OPCML: variants seen among roughly 807,000 people sequenced by gnomAD.
OPCML encodes opioid binding protein/cell adhesion molecule like, also known as opioid-binding protein/cell adhesion molecule.
A neutral mutation model predicts 37.8 loss-of-function variants in OPCML; 13 were observed. The observed-to-expected ratio is 0.34, with a 90% CI of 0.22 to 0.55. The LOEUF is 0.55. Ranked by LOEUF, OPCML falls within the 20% of genes least tolerant of loss-of-function variation. OPCML has a pLI of 0.91. For missense variants in OPCML, 341 were observed against 435.6 expected (o/e 0.78, Z 1.93); for synonymous variants, 176 against 168.8 (o/e 1.04, Z -0.33).
At chr11:132,486,548 T>A (rs2096200404) in intron 4 of OPCML, among the ~76,000 whole-genome samples, 1 of 152,118 alleles carries the variant, frequency 6.6e-6, no homozygotes, top group African/African-American at 2.4e-5. Flanking sequence ...ATTGACCCAT[T>A]CAAACCCCAC....
chr11:132,591,662 C>T (rs558345636), intron 3 of OPCML, among the ~76,000 whole-genome samples: 21 of 152,276 alleles, frequency 1.4e-4, no homozygotes, highest in African/African-American at 4.8e-4. Flanking sequence ...AAAATGGTAA[C>T]AGTGAGGATT....
Position 133,326,436 on chromosome 11 carries a change from CGTGTATGTGT to C in OPCML, c.61+205818_61+205827del, listed in dbSNP as rs1463037235. ...GTGTGGATATGCATGTGTGTGGGTG[CGTGTATGTGT>C]GTGTATGTGTGTGTGGGGTGTGTGT... On this transcript the variant is annotated intron_variant, in intron 1 of 7. Coordinates refer to ENST00000524381, the MANE Select transcript of OPCML (RefSeq NM_001012393.5). Among the ~76,000 whole-genome samples the C allele has an allele frequency of 1.6e-4, 15 of 92,110 alleles. No individual in the cohort carries two copies. In the East Asian group the frequency reaches 3.0e-3, roughly 18 times the overall value. 60.4% of individuals were successfully genotyped at this position (92,110 alleles called of 152,430 possible). A position where few individuals can be genotyped will look rare whatever the true frequency, so the allele number is the denominator to read the frequency against.
intron 1 of OPCML, among the ~76,000 whole-genome samples, chr11:133,347,660 G>C (rs1944034057): frequency 6.6e-6 from 1 of 152,160 alleles, no homozygotes; most frequent in East Asian, 1.9e-4. Flanking sequence ...TCTGTATTTG[G>C]ACATAGCAGC....
In OPCML at chr11:133,204,868, G is replaced by GTATATATATA. The variant is rs57658806; in HGVS notation, c.62-261868_62-261859dup. 2.2e-3 allele frequency among the ~76,000 whole-genome samples: 253 copies of GTATATATATA among 117,044 alleles called. 3 individuals carry two copies. The highest frequency in any genetic ancestry group is 4.9e-3 in the East Asian group (8 of 1,628). 76.8% of individuals were successfully genotyped at this position (117,044 alleles called of 152,430 possible). A position where few individuals can be genotyped will look rare whatever the true frequency, so the allele number is the denominator to read the frequency against. On this transcript the variant is annotated intron_variant, in intron 1 of 7. Transcript: ENST00000524381. ...TGATCTATTATATATATATATATGT[G>GTATATATATA]TATATATATATATATATATATATAT...
At chr11:133,100,829 G>A (rs1036776104) in intron 1 of OPCML, among the ~76,000 whole-genome samples, 1 of 152,154 alleles carries the variant, frequency 6.6e-6, no homozygotes, top group Non-Finnish European at 1.5e-5. Context: ...TAGATCATAG[G>A]CCCAGATGTA....
intron 1 of OPCML, among the ~76,000 whole-genome samples, chr11:133,166,840 CTTAGCAATTCAGTTCAA>C (rs1306306358): frequency 1.3e-5 from 2 of 152,198 alleles, no homozygotes; most frequent in African/African-American, 4.8e-5. Flanking sequence ...ATTAGAACCT[CTTAGCAATTCAGTTCAA>C]TGAGTATTGG....
intron 2 of OPCML, among the ~76,000 whole-genome samples, chr11:132,904,568 T>C (rs964005798): frequency 5.3e-5 from 8 of 152,250 alleles, no homozygotes; most frequent in African/African-American, 1.4e-4. Context: ...GGGAACTGAC[T>C]ATTGCTTCTA....
At chr11:133,181,899 G>A (rs1412805833) in intron 1 of OPCML, among the ~76,000 whole-genome samples, 2 of 151,854 alleles carry the variant, frequency 1.3e-5, no homozygotes, top group East Asian at 3.9e-4. Context: ...AGCTGGCACA[G>A]TGAAGCCTCC....
At chr11:133,029,297 G>A (rs770944936) in intron 1 of OPCML, among the ~76,000 whole-genome samples, 2 of 152,230 alleles carry the variant, frequency 1.3e-5, no homozygotes, top group Non-Finnish European at 2.9e-5. Context: ...AAGCCCCTGT[G>A]TAAAGTAGTT....
intron 4 of OPCML, among the ~76,000 whole-genome samples, chr11:132,526,143 A>G (rs2096307807): frequency 6.6e-6 from 1 of 152,178 alleles, no homozygotes; most frequent in Admixed American, 6.5e-5. Flanking sequence ...AAATCTTACC[A>G]GTGTACCATT....
At chr11:132,765,289 G>A (rs1435726592) in intron 2 of OPCML, among the ~76,000 whole-genome samples, 1 of 152,154 alleles carries the variant, frequency 6.6e-6, no homozygotes, top group Non-Finnish European at 1.5e-5. Flanking sequence ...TAAACAAGAC[G>A]TCGTCAGTGA....
chr11:132,567,566 A>G (rs2096426689), intron 3 of OPCML, among the ~76,000 whole-genome samples: 1 of 152,228 alleles, frequency 6.6e-6, no homozygotes, highest in Non-Finnish European at 1.5e-5. Context: ...TATGGCTCAT[A>G]TCATAAAGCT....
chr11:133,054,807 G>A (rs1192699930), intron 1 of OPCML, among the ~76,000 whole-genome samples: 1 of 152,022 alleles, frequency 6.6e-6, no homozygotes, highest in African/African-American at 2.4e-5. Context: ...ATACAATGCT[G>A]CCTCCATGAT....
At chr11:133,095,705 CA>C (rs1000424883) in intron 1 of OPCML, among the ~76,000 whole-genome samples, 13 of 145,088 alleles carry the variant, frequency 9.0e-5, no homozygotes, top group South Asian at 4.5e-4. Context: ...AAAAAAATTA[CA>C]AAAAAAAATC....
intron 1 of OPCML, among the ~76,000 whole-genome samples, chr11:133,290,669 A>G (rs1486940639): frequency 5.9e-5 from 9 of 152,178 alleles, no homozygotes; most frequent in Non-Finnish European, 1.3e-4. Flanking sequence ...GAAGGAGGAG[A>G]GCAAAAAATA....
At chr11:133,411,745 G>T (rs1945657050) in intron 1 of OPCML, among the ~76,000 whole-genome samples, 2 of 152,170 alleles carry the variant, frequency 1.3e-5, no homozygotes, top group Admixed American at 6.5e-5. Flanking sequence ...CCAGGGTGTA[G>T]CTCGAAACCT....
chr11:132,867,009 C>T (rs1192351593), intron 2 of OPCML, among the ~76,000 whole-genome samples: 1 of 152,226 alleles, frequency 6.6e-6, no homozygotes, highest in Non-Finnish European at 1.5e-5. Context: ...TAACACAATG[C>T]ATGACACATC....
intron 1 of OPCML, among the ~76,000 whole-genome samples, chr11:133,181,368 T>TGGCGGGGGG (rs1555109898): frequency 3.9e-5 from 3 of 77,288 alleles, no homozygotes; most frequent in African/African-American, 1.0e-4. Context: ...TGCACGGGGG[T>TGGCGGGGGG]GGCGGGGGTG....
chr11:133,313,472 G>T (rs548735277), intron 1 of OPCML, among the ~76,000 whole-genome samples: 2 of 152,298 alleles, frequency 1.3e-5, no homozygotes, highest in African/African-American at 4.8e-5. Flanking sequence ...AGGGATTTTT[G>T]CAGATGCAAT....
Sources: allele counts gnomAD v4.1 joint callset (sites outside exome capture counted in the v4.1 genomes callset), GRCh38; gene constraint gnomAD v4.1.1; transcripts MANE v1.5; gene names NCBI Gene and HGNC (gene_info 2026-07-23, HGNC 2026-07-21).